Variants in CDC14B observed in about 807,000 individuals in gnomAD.
CDC14B encodes the protein dual specificity protein phosphatase CDC14B.
Under a neutral mutation model 64.2 loss-of-function variants are expected in CDC14B, and 22 were observed. The ratio of observed to expected loss-of-function variants is 0.34; its 90% CI spans 0.24 to 0.49. CDC14B has a LOEUF of 0.49. Among genes scored for constraint, CDC14B ranks in the 20% least tolerant of loss-of-function variants. The pLI is 0.99. For synonymous variants in CDC14B, 191 were observed against 215.8 expected, an observed-to-expected ratio of 0.89 and a Z score of 1.01; for missense variants, 498 against 629.9, an observed-to-expected ratio of 0.79 and a Z score of 2.24.
At chr9:96,566,752 C>A (rs748469607) in intron 1 of CDC14B, 13 of 1,600,330 alleles carry the variant, frequency 8.1e-6, no homozygotes, top group East Asian at 6.8e-5. Context: ...GGGAAGCCCC[C>A]GCCCTCCCGG....
chr9:96,534,185 T>C (rs1838947914), intron 8 of CDC14B, 28 bp from the exon 9 acceptor site: 1 of 1,345,672 alleles, frequency 7.4e-7, no homozygotes. Context: ...CCAGATCTTA[T>C]AAAACACATA....
chr9:96,556,540 C>T (rs1643989943), intron 4 of CDC14B, among the ~76,000 whole-genome samples: 1 of 151,882 alleles, frequency 6.6e-6, no homozygotes, highest in Non-Finnish European at 1.5e-5. Flanking sequence ...TAAAAAAAAC[C>T]TCAGATGAAC....
intron 1 of CDC14B, among the ~76,000 whole-genome samples, chr9:96,613,113 G>T (rs1847420728): frequency 6.6e-6 from 1 of 152,198 alleles, no homozygotes; most frequent in South Asian, 2.1e-4. Flanking sequence ...TTGCCAAAAA[G>T]AAACTACATC....
intron 12 of CDC14B, among the ~76,000 whole-genome samples, chr9:96,513,344 C>T (rs1444695137): frequency 6.6e-6 from 1 of 152,222 alleles, no homozygotes; most frequent in African/African-American, 2.4e-5. Flanking sequence ...TGAGTGACAG[C>T]ACACACCACC....
chr9:96,566,358 A>AT (rs201974662), intron 1 of CDC14B, among the ~76,000 whole-genome samples: 5,247 of 140,876 alleles, frequency 0.037, 115 homozygotes, highest in Middle Eastern at 0.088. Flanking sequence ...ATGGTAAACT[A>AT]TTTTTTTTTT....
chr9:96,616,628 G>A (rs1847645380), intron 1 of CDC14B, among the ~76,000 whole-genome samples: 2 of 151,912 alleles, frequency 1.3e-5, no homozygotes, highest in Non-Finnish European at 1.5e-5. Context: ...GGAGGCTGAG[G>A]CAGGAGAATC....
chr9:96,493,404 G>A (rs1478741639), intron 13 of CDC14B, among the ~76,000 whole-genome samples: 4 of 152,244 alleles, frequency 2.6e-5, no homozygotes, highest in Non-Finnish European at 5.9e-5. Context: ...GGCTGCGGGC[G>A]TGAGAGGCTT....
At chr9:96,557,137 C>G (rs1005405975) in intron 4 of CDC14B, among the ~76,000 whole-genome samples, 1 of 152,236 alleles carries the variant, frequency 6.6e-6, no homozygotes, top group Non-Finnish European at 1.5e-5. Flanking sequence ...CAGAAGCCCT[C>G]GGGTGGCAAG....
Position 96,534,049 on chromosome 9 carries a change from T to G in CDC14B, c.824A>C (p.Asp275Ala). 1 of 1,613,322 alleles carries G rather than the reference T, an allele frequency of 6.2e-7. No homozygotes were observed. Among genetic ancestry groups the G allele is most frequent in the Non-Finnish European group, 8.5e-7 (1 of 1,179,400 alleles). Residue 275 changes from aspartate (D) to alanine (A), a missense_variant, in exon 9 of 14, where the codon GAT becomes GCT. Physicochemically the swap from Asp to Ala is moderately radical, Grantham distance 126. Transcript: ENST00000375241. ...KRMYDAKRFT[D>A]AGFDHHDLFF... ...AAGATCATGGTGATCGAAGCCAGCATCCGTAAAGCGTTTGGCATCATACAT... is the reference window on the plus strand; with the variant it reads ...AAGATCATGGTGATCGAAGCCAGCAGCCGTAAAGCGTTTGGCATCATACAT...
chr9:96,547,811 A>T (rs10121119), intron 5 of CDC14B, among the ~76,000 whole-genome samples: 18,419 of 151,440 alleles, frequency 0.12, 3,679 homozygotes, highest in African/African-American at 0.42. Context: ...TTGAGAGAGA[A>T]TGTATTATTG....
chr9:96,542,736 C>G (rs545723621), intron 5 of CDC14B, among the ~76,000 whole-genome samples: 2 of 151,892 alleles, frequency 1.3e-5, no homozygotes, highest in Non-Finnish European at 2.9e-5. Context: ...CTCTGCCGGG[C>G]GCAGTGGCTC....
At position 96,564,723 on chromosome 9, in the gene CDC14B, G is replaced by A. The variant is rs918031481; in HGVS notation, c.327+54C>T. The A allele has an allele frequency of 9.3e-5, 97 of 1,045,816 alleles. No individual in the cohort carries two copies. In the Middle Eastern group the frequency reaches 1.9e-3, roughly 20 times the overall value. The allele number at this position is 1,045,816 out of a possible 1,614,324, so 64.8% of individuals were successfully genotyped here. On this transcript the variant is annotated intron_variant, in intron 3 of 13. Coordinates refer to ENST00000375241, the MANE Select transcript of CDC14B (RefSeq NM_033331.4). ...AAAAAGAGATGTTTTCCTTACTTTCGTCCCCCAGATCAAGCTAACAATGAT... is the reference window on the plus strand; with the variant it reads ...AAAAAGAGATGTTTTCCTTACTTTCATCCCCCAGATCAAGCTAACAATGAT...
Position 96,501,271 on chromosome 9 carries a change from A to T in CDC14B, c.*2482T>A, listed in dbSNP as rs1258995290. 6.6e-6 allele frequency: 1 copy of T among 152,232 alleles called. No individual in the cohort carries two copies. The highest frequency in any genetic ancestry group is 1.5e-5 in the Non-Finnish European group (1 of 68,036). 9.4% of individuals were successfully genotyped at this position (152,232 alleles called of 1,614,324 possible). On this transcript the variant is annotated 3_prime_UTR_variant, in exon 14 of 14. Transcript: ENST00000375241. ...AGAGCACCTAAAAATATTCACTTCC[A>T]ATTTTAATTCCATCGCAAACCGTCC... is the stretch of plus-strand genomic sequence containing the variant.
intron 1 of CDC14B, among the ~76,000 whole-genome samples, chr9:96,613,555 A>G (rs939790843): frequency 6.6e-6 from 1 of 152,230 alleles, no homozygotes. Context: ...GAGGAATTAG[A>G]TTTAAAGCAG....
chr9:96,494,718 T>G, intron 13 of CDC14B, among the ~76,000 whole-genome samples: 1 of 149,910 alleles, frequency 6.7e-6, no homozygotes, highest in Non-Finnish European at 1.5e-5. Context: ...TCTTTCTTCC[T>G]TTCCTTTCCT....
At chr9:96,601,748 C>T (rs1247198871) in intron 1 of CDC14B, among the ~76,000 whole-genome samples, 1 of 138,136 alleles carries the variant, frequency 7.2e-6, no homozygotes, top group Non-Finnish European at 1.5e-5. Flanking sequence ...GAGCTGAGGG[C>T]GCACCACTGC....
intron 5 of CDC14B, among the ~76,000 whole-genome samples, chr9:96,550,675 A>G (rs1841669154): frequency 1.3e-5 from 2 of 152,240 alleles, no homozygotes; most frequent in Admixed American, 6.5e-5. Flanking sequence ...TCAATGAGTA[A>G]AATTATTTCA....
At chr9:96,540,807 C>T (rs1839943432) in intron 6 of CDC14B, among the ~76,000 whole-genome samples, 1 of 152,110 alleles carries the variant, frequency 6.6e-6, no homozygotes, top group African/African-American at 2.4e-5. Flanking sequence ...TCCACCAGTG[C>T]CCCATACCTG....
At chr9:96,504,492 G>A (rs1336371213) in intron 13 of CDC14B, among the ~76,000 whole-genome samples, 1 of 152,218 alleles carries the variant, frequency 6.6e-6, no homozygotes, top group African/African-American at 2.4e-5. Context: ...AAGGAGAAGC[G>A]TTTGAATCGA....
Sources: gnomAD v4.1 joint callset for allele counts (sites outside exome capture counted in the v4.1 genomes callset) on GRCh38, gnomAD v4.1.1 for gene constraint, MANE v1.5 for transcripts, NCBI Gene and HGNC (gene_info 2026-07-23, HGNC 2026-07-21) for gene names.